The following SH3RF2 variants were observed in gnomAD, a reference collection of about 807,000 sequenced individuals.
The protein encoded by SH3RF2 is E3 ubiquitin-protein ligase SH3RF2.
Under a neutral mutation model 59.0 loss-of-function variants are expected in SH3RF2, and 43 were observed. That is an observed-to-expected ratio of 0.73 (90% CI 0.57 to 0.94). The LOEUF is 0.94. SH3RF2 is among the 40% of genes least tolerant of loss of function. The pLI is 0.00. For synonymous variants in SH3RF2, 391 were observed against 391.5 expected (o/e 1.00, Z 0.01); for missense variants, 930 against 940.1 (o/e 0.99, Z 0.14).
chr5:145,980,977 A>C (rs1759485878), intron 2 of SH3RF2, among the ~76,000 whole-genome samples: 1 of 152,200 alleles, frequency 6.6e-6, no homozygotes, highest in Non-Finnish European at 1.5e-5. Flanking sequence ...ATATGTCAGG[A>C]GCTGCCTCTA....
chr5:145,937,120 T>C (rs1279299592), intron 1 of SH3RF2: 1 of 151,572 alleles, frequency 6.6e-6, no homozygotes, highest in African/African-American at 2.4e-5. Flanking sequence ...CTACTTTACC[T>C]TGTGGGAGGA....
downstream of SH3RF2, among the ~76,000 whole-genome samples, chr5:146,067,821 C>T (rs188006973): frequency 3.3e-5 from 5 of 152,324 alleles, no homozygotes; most frequent in East Asian, 1.9e-4. Context: ...TCCTCCCCAT[C>T]GCTCTACCAT....
At chr5:145,983,247 CTTT>C (rs35986916) in intron 2 of SH3RF2, among the ~76,000 whole-genome samples, 6 of 133,938 alleles carry the variant, frequency 4.5e-5, no homozygotes, top group East Asian at 2.2e-4. Flanking sequence ...AAACCAGAGC[CTTT>C]TTTTTTTTTT....
intron 2 of SH3RF2, among the ~76,000 whole-genome samples, chr5:145,949,314 C>T (rs1380460846): frequency 1.3e-5 from 2 of 152,176 alleles, no homozygotes; most frequent in Non-Finnish European, 2.9e-5. Flanking sequence ...AGAATGATAT[C>T]GCTGTACACA....
intron 2 of SH3RF2, among the ~76,000 whole-genome samples, chr5:145,995,218 G>A (rs1346130123): frequency 1.3e-5 from 2 of 152,142 alleles, no homozygotes; most frequent in South Asian, 4.1e-4. Flanking sequence ...TGGAGGAGAG[G>A]AAAAGAAAAC....
Position 146,060,226 on chromosome 5 carries a change from T to C in SH3RF2, c.1914+2T>C. The C allele has an allele frequency of 1.9e-6, 3 of 1,599,914 alleles. No individual in the cohort carries two copies. Among genetic ancestry groups the C allele is most frequent in the Non-Finnish European group, 1.7e-6 (2 of 1,172,510 alleles). ...AACTCAAGAAATGGCATCGAAAAGG[T>C]AGGATCAGAGTGACATTGGGGGCCC... On this transcript the variant is annotated splice_donor_variant, in intron 9 of 9. Coordinates refer to ENST00000359120, the MANE Select transcript of SH3RF2 (RefSeq NM_152550.4). LOFTEE classifies it high-confidence loss of function.
intron 2 of SH3RF2, among the ~76,000 whole-genome samples, chr5:145,970,747 G>A (rs1759049281): frequency 6.6e-6 from 1 of 152,092 alleles, no homozygotes; most frequent in African/African-American, 2.4e-5. Context: ...CTAGTAAACT[G>A]AAAAGACAGT....
chr5:146,050,803 A>G (rs1561764270), intron 7 of SH3RF2, among the ~76,000 whole-genome samples: 1 of 152,224 alleles, frequency 6.6e-6, no homozygotes, highest in African/African-American at 2.4e-5. Context: ...AGGAGGATAG[A>G]ATTTTTGGGG....
chr5:146,045,497 C>T (rs569160469), intron 5 of SH3RF2, among the ~76,000 whole-genome samples: 39 of 152,318 alleles, frequency 2.6e-4, no homozygotes, highest in African/African-American at 8.9e-4. Flanking sequence ...CCCATCATCC[C>T]AACCCTTGGA....
At chr5:146,027,760 G>A (rs73793807) in intron 5 of SH3RF2, among the ~76,000 whole-genome samples, 3,788 of 152,190 alleles carry the variant, frequency 0.025, 152 homozygotes, top group African/African-American at 0.084. Flanking sequence ...AGCGAGCTGA[G>A]GTTCTGCACA....
At chr5:146,020,257 C>T (rs906675792) in intron 5 of SH3RF2, among the ~76,000 whole-genome samples, 3 of 152,158 alleles carry the variant, frequency 2.0e-5, no homozygotes, top group Admixed American at 2.0e-4. Flanking sequence ...GATCTGGCTA[C>T]AGTTCACTTC....
chr5:145,953,397 A>G (rs1580763591), intron 2 of SH3RF2, among the ~76,000 whole-genome samples: 2 of 152,114 alleles, frequency 1.3e-5, no homozygotes, highest in African/African-American at 2.4e-5. Context: ...AGTTCTGGAA[A>G]CTGAGAGAAA....
Position 145,987,280 on chromosome 5 carries a change from G to T in SH3RF2, c.379-12778G>T, listed in dbSNP as rs116678178. On this transcript the variant is annotated intron_variant, in intron 2 of 9. Transcript: ENST00000359120. Reference sequence around the variant, plus strand: ...TCTTTAGGGGTGATTTGTGAGATTTGGGTGCACCCATCACCTGAGCAATAT... The same window carrying T: ...TCTTTAGGGGTGATTTGTGAGATTTTGGTGCACCCATCACCTGAGCAATAT... 8.8e-3 allele frequency among the ~76,000 whole-genome samples: 1,331 copies of T among 152,084 alleles called. 21 individuals are homozygous for T. Among genetic ancestry groups the T allele is most frequent in the African/African-American group, 0.03 (1,261 of 41,458 alleles).
rs182646336 is a variant in SH3RF2 at position 146,010,148 on chromosome 5, G to A, written c.745-3599G>A. On this transcript the variant is annotated intron_variant, in intron 4 of 9. Transcript: ENST00000359120. ...GCGGTGTTTGGTTTTTGGTCCTTGC[G>A]ATAGTTTGCTGAGAATGATGGTTTC... Among the ~76,000 whole-genome samples the A allele has an allele frequency of 5.2e-3, 784 of 152,060 alleles. 5 individuals carry two copies. Among genetic ancestry groups the A allele is most frequent in the Middle Eastern group, 0.017 (5 of 294 alleles).
chr5:145,945,229 A>G lies in SH3RF2; in HGVS notation c.378+6923A>G, dbSNP rs898883473. Among the ~76,000 whole-genome samples the G allele has an allele frequency of 3.9e-5, 6 of 152,184 alleles. 1 individual carries two copies. In the East Asian group the frequency reaches 1.2e-3, roughly 29 times the overall value. On this transcript the variant is annotated intron_variant, in intron 2 of 9. Transcript: ENST00000359120. ...TAGAAATGTTAAGATGTGAAAAAAG[A>G]AGTGTCTTACCAAAGAGTACATACT... is the stretch of plus-strand genomic sequence containing the variant.
chr5:146,065,204 T>C (rs1026998234), downstream of SH3RF2, among the ~76,000 whole-genome samples: 6 of 152,106 alleles, frequency 3.9e-5, no homozygotes, highest in African/African-American at 1.2e-4. Context: ...CAAACAAACA[T>C]GAGATATTGA....
At chr5:146,080,625 CCA>C (rs1257077504) in exon 10 of SH3RF2, 2 of 152,174 alleles carry the variant, frequency 1.3e-5, no homozygotes, top group African/African-American at 4.8e-5. Flanking sequence ...TTAGTATATT[CCA>C]CTGTAAAGCC....
chr5:146,008,311 C>A (rs980982822), intron 4 of SH3RF2, among the ~76,000 whole-genome samples: 1 of 152,180 alleles, frequency 6.6e-6, no homozygotes, highest in Non-Finnish European at 1.5e-5. Context: ...TCCCGGAGCC[C>A]TGTGTCAGTG....
intron 2 of SH3RF2, among the ~76,000 whole-genome samples, chr5:145,965,448 C>CT (rs901458450): frequency 1.8e-4 from 28 of 151,804 alleles, no homozygotes; most frequent in Non-Finnish European, 3.5e-4. Flanking sequence ...GAGCCATCAT[C>CT]TTTTTTTTGC....
Sources: gnomAD v4.1 joint callset for allele counts (sites outside exome capture counted in the v4.1 genomes callset) on GRCh38, gnomAD v4.1.1 for gene constraint, MANE v1.5 for transcripts, NCBI Gene and HGNC (gene_info 2026-07-23, HGNC 2026-07-21) for gene names.